The following FOXP2 variants were observed in gnomAD, a reference collection of about 807,000 sequenced individuals.
FOXP2 encodes the protein forkhead box P2.
In FOXP2, 12 loss-of-function variants were observed where a neutral mutation model predicts 115.8. The observed-to-expected ratio is 0.10, with a 90% CI of 0.07 to 0.17. The LOEUF (loss-of-function observed/expected upper bound fraction) is 0.17. Among genes scored for constraint, FOXP2 ranks in the 10% least tolerant of loss-of-function variants. FOXP2 has a pLI of 1.00. For missense variants in FOXP2, 629 were observed against 843.5 expected (o/e 0.75, Z 3.15); for synonymous variants, 328 against 297.7 (o/e 1.10, Z -1.05).
At chr7:114,258,418 T>C (rs1054316255) in intron 1 of FOXP2, among the ~76,000 whole-genome samples, 3 of 152,128 alleles carry the variant, frequency 2.0e-5, no homozygotes, top group Non-Finnish European at 4.4e-5. Context: ...AAAAATAGTA[T>C]TATAGGATCA....
chr7:114,155,443 TAA>T (rs1321806258), intron 1 of FOXP2, among the ~76,000 whole-genome samples: 3 of 152,222 alleles, frequency 2.0e-5, no homozygotes, highest in African/African-American at 2.4e-5. Flanking sequence ...TTAAAATAAT[TAA>T]AGTGTTTTAC....
intron 1 of FOXP2, among the ~76,000 whole-genome samples, chr7:114,088,615 A>T (rs540873756): frequency 2.6e-5 from 4 of 152,394 alleles, no homozygotes; most frequent in African/African-American, 9.6e-5. Context: ...TGTGTTTAAT[A>T]GCAAGTCTGT....
chr7:114,480,811 T>C (rs1796505283), intron 2 of FOXP2, among the ~76,000 whole-genome samples: 1 of 150,786 alleles, frequency 6.6e-6, no homozygotes, highest in African/African-American at 2.4e-5. Flanking sequence ...CCTTTTGATA[T>C]CAAGGATCTT....
chr7:114,479,975 G>C (rs1228557161), intron 2 of FOXP2, among the ~76,000 whole-genome samples: 1 of 151,230 alleles, frequency 6.6e-6, no homozygotes, highest in African/African-American at 2.4e-5. Context: ...TATTCAGATT[G>C]GAACCAACCG....
intron 3 of FOXP2, among the ~76,000 whole-genome samples, chr7:114,542,972 G>A (rs1799750020): frequency 6.6e-6 from 1 of 151,796 alleles, no homozygotes; most frequent in Non-Finnish European, 1.5e-5. Context: ...TGTATATTTA[G>A]TAGAGACGGG....
intron 3 of FOXP2, among the ~76,000 whole-genome samples, chr7:114,579,899 A>T (rs187615644): frequency 1.3e-5 from 2 of 152,298 alleles, no homozygotes; most frequent in East Asian, 1.9e-4. Flanking sequence ...GTAATTTAGG[A>T]TTCAAAAATC....
At chr7:114,219,729 A>T (rs1794572850) in intron 1 of FOXP2, among the ~76,000 whole-genome samples, 1 of 151,988 alleles carries the variant, frequency 6.6e-6, no homozygotes, top group South Asian at 2.1e-4. Context: ...TTGTTATTTG[A>T]TGAATAATTT....
chr7:114,565,429 T>C (rs994120455), intron 3 of FOXP2, among the ~76,000 whole-genome samples: 26 of 152,270 alleles, frequency 1.7e-4, no homozygotes, highest in African/African-American at 5.3e-4. Context: ...TCTCAAAGTA[T>C]GATCATAGAC....
chr7:114,466,148 T>A (rs1175027263), intron 2 of FOXP2, among the ~76,000 whole-genome samples: 1 of 152,190 alleles, frequency 6.6e-6, no homozygotes, highest in East Asian at 1.9e-4. Context: ...CTTACTGATT[T>A]CCAAACCTCA....
chr7:114,268,191 C>T (rs534185974), intron 1 of FOXP2, among the ~76,000 whole-genome samples: 1 of 152,108 alleles, frequency 6.6e-6, no homozygotes, highest in Non-Finnish European at 1.5e-5. Context: ...TATGTACATA[C>T]CACATTTTAT....
chr7:114,526,026 C>T (rs1347191905), intron 2 of FOXP2, among the ~76,000 whole-genome samples: 2 of 151,736 alleles, frequency 1.3e-5, no homozygotes, highest in Non-Finnish European at 2.9e-5. Context: ...GCAGGAGAAT[C>T]GCTTGAACCT....
intron 2 of FOXP2, among the ~76,000 whole-genome samples, chr7:114,434,901 A>T (rs975561340): frequency 6.6e-6 from 1 of 152,178 alleles, no homozygotes; most frequent in Admixed American, 6.6e-5. Context: ...TATACATTTT[A>T]AGAAAAATCT....
intron 1 of FOXP2, among the ~76,000 whole-genome samples, chr7:114,145,106 C>A (rs1033543304): frequency 2.0e-5 from 3 of 152,098 alleles, no homozygotes; most frequent in African/African-American, 7.2e-5. Context: ...ACCAATTCTA[C>A]CACCTATTCT....
At chr7:114,319,672 C>G (rs1285450486) in intron 2 of FOXP2, among the ~76,000 whole-genome samples, 1 of 152,140 alleles carries the variant, frequency 6.6e-6, no homozygotes, top group Non-Finnish European at 1.5e-5. Context: ...CCACTGGGTC[C>G]CTCCCACAAC....
intron 3 of FOXP2, among the ~76,000 whole-genome samples, chr7:114,594,180 A>G (rs996663442): frequency 1.3e-5 from 2 of 152,060 alleles, no homozygotes; most frequent in Non-Finnish European, 2.9e-5. Flanking sequence ...TATGATACTT[A>G]AATAATTTCT....
chr7:114,387,557 G>C (rs1437612225), intron 2 of FOXP2, among the ~76,000 whole-genome samples: 1 of 152,088 alleles, frequency 6.6e-6, no homozygotes, highest in Non-Finnish European at 1.5e-5. Flanking sequence ...CCAAATAAGT[G>C]TATGCTTTTT....
chr7:114,157,731 G>A (rs1792706818), intron 1 of FOXP2, among the ~76,000 whole-genome samples: 1 of 152,020 alleles, frequency 6.6e-6, no homozygotes, highest in South Asian at 2.1e-4. Context: ...ACTTCCCCCT[G>A]TGCCAGTCTA....
intron 3 of FOXP2, among the ~76,000 whole-genome samples, chr7:114,555,857 G>C (rs1454743050): frequency 6.6e-6 from 1 of 151,978 alleles, no homozygotes; most frequent in Non-Finnish European, 1.5e-5. Flanking sequence ...AAAGTTACAT[G>C]GCTCCACCAT....
intron 1 of FOXP2, among the ~76,000 whole-genome samples, chr7:114,232,590 G>A (rs552851991): frequency 8.0e-5 from 12 of 150,084 alleles, no homozygotes; most frequent in Admixed American, 6.6e-4. Context: ...TAGGCGGGCG[G>A]ATCACCTGAG....
Sources: gnomAD v4.1 joint callset for allele counts (sites outside exome capture counted in the v4.1 genomes callset) on GRCh38, gnomAD v4.1.1 for gene constraint, MANE v1.5 for transcripts, NCBI Gene and HGNC (gene_info 2026-07-23, HGNC 2026-07-21) for gene names.